NUAK2: variants seen among roughly 807,000 people sequenced by gnomAD.
NUAK2 encodes NUAK family SNF1-like kinase 2.
NUAK2 carries 20 observed loss-of-function variants against 29.8 expected under a neutral mutation model. The observed-to-expected ratio is 0.67, with a 90% confidence interval of 0.47 to 0.98. The LOEUF (loss-of-function observed/expected upper bound fraction) is 0.98. Among genes scored for constraint, NUAK2 ranks in the 50% least tolerant of loss-of-function variants. The pLI is 0.00. For synonymous variants in NUAK2, 331 were observed against 342.6 expected (o/e 0.97, Z 0.37); for missense variants, 719 against 834.5 (o/e 0.86, Z 1.71).
At position 205,304,543 on chromosome 1, in the gene NUAK2, T is replaced by C. The variant is rs376970730; in HGVS notation, c.824-30A>G. 8.8e-6 allele frequency: 13 copies of C among 1,476,900 alleles called. No individual in the cohort carries two copies. In the African/African-American group the frequency reaches 1.7e-4, roughly 19 times the overall value. 91.5% of individuals were successfully genotyped at this position (1,476,900 alleles called of 1,614,324 possible). ...AAGACAAAAGGCAGGTGCTTCAGTT[T>C]GGCAGCTCCCAGAATAGGCACTCCC... On this transcript the variant is annotated intron_variant, in intron 6 of 6. Coordinates refer to ENST00000367157, the MANE Select transcript of NUAK2 (RefSeq NM_030952.3). The surrounding 1 kb of genome is among the most constrained non-coding windows in gnomAD (Gnocchi z 6.5).
chr1:205,309,670 A>C (rs1280690587), intron 2 of NUAK2, among the ~76,000 whole-genome samples: 3 of 152,170 alleles, frequency 2.0e-5, no homozygotes, highest in Non-Finnish European at 4.4e-5. Context: ...CATTTGAAAA[A>C]TAAGGCCAAT....
intron 1 of NUAK2, among the ~76,000 whole-genome samples, chr1:205,313,624 C>G (rs571342274): frequency 6.6e-6 from 1 of 151,556 alleles, no homozygotes; most frequent in South Asian, 2.1e-4. Context: ...GAGTCTGTCA[C>G]TGTCCCCCTG....
chr1:205,321,060 C>A (rs1159136586), intron 1 of NUAK2, among the ~76,000 whole-genome samples: 1 of 152,198 alleles, frequency 6.6e-6, no homozygotes, highest in East Asian at 1.9e-4. Context: ...ACAGTCTTTT[C>A]CCAGCAAAAC....
chr1:205,303,477 T>C lies in NUAK2; in HGVS notation c.1860A>G (p.Ala620=). 6.2e-7 allele frequency: 1 copy of C among 1,601,662 alleles called. No homozygotes were observed. Among genetic ancestry groups the C allele is most frequent in the Admixed American group, 1.7e-5 (1 of 58,572 alleles). ...CQEVTATYRQ[A]LRVCSKLT ...AGGTGAGCTTTGAGCAGACCCTCAGTGCCTGTCGGTAGGTCGCTGTCACCT... is the reference window on the plus strand; with the variant it reads ...AGGTGAGCTTTGAGCAGACCCTCAGCGCCTGTCGGTAGGTCGCTGTCACCT... Residue 620 remains alanine (A), a synonymous_variant, in exon 7 of 7, where the codon GCA becomes GCG. Transcript: ENST00000367157.
intron 5 of NUAK2, 31 bp from the exon 6 acceptor site, chr1:205,305,362 GC>G: frequency 6.2e-7 from 1 of 1,603,622 alleles, no homozygotes. Context: ...CAGCAGGGAT[GC>G]CCATACCAGA....
At chr1:205,315,659 G>A (rs1662316924) in intron 1 of NUAK2, among the ~76,000 whole-genome samples, 1 of 152,128 alleles carries the variant, frequency 6.6e-6, no homozygotes, top group South Asian at 2.1e-4. Context: ...AATCACTCGA[G>A]GCCAGAAGTT....
At position 205,308,808 on chromosome 1, in the gene NUAK2, C is replaced by A. The variant is rs1207364744; in HGVS notation, c.353-76G>T. Reference sequence around the variant, plus strand: ...TCCACTGGGGGTGACTCACTCCTCCCCGACCCCAGGCCCCAAACCAGACAG... The same window carrying A: ...TCCACTGGGGGTGACTCACTCCTCCACGACCCCAGGCCCCAAACCAGACAG... On this transcript the variant is annotated intron_variant, in intron 2 of 6. Transcript: ENST00000367157. The surrounding 1 kb of genome is among the most constrained non-coding windows in gnomAD (Gnocchi z 4.1). 1 of 1,545,944 alleles carries A rather than the reference C, an allele frequency of 6.5e-7. No individual in the cohort carries two copies. The highest frequency in any genetic ancestry group is 1.1e-5 in the South Asian group (1 of 88,144).
intron 1 of NUAK2, among the ~76,000 whole-genome samples, chr1:205,314,788 G>A (rs1249816867): frequency 1.3e-5 from 2 of 152,142 alleles, no homozygotes; most frequent in Non-Finnish European, 2.9e-5. Flanking sequence ...TGTACGCATA[G>A]GCACATCTTG....
chr1:205,303,807 C>T lies in NUAK2; in HGVS notation c.1530G>A (p.Gln510=), dbSNP rs1352072873. 1.9e-6 allele frequency: 3 copies of T among 1,591,536 alleles called. No individual in the cohort carries two copies. The highest frequency in any genetic ancestry group is 2.6e-6 in the Non-Finnish European group (3 of 1,168,364). Residue 510 remains glutamine, a synonymous_variant, in exon 7 of 7, where the codon CAG becomes CAA. Transcript: ENST00000367157. The part of the protein sequence containing the change: ...GILKLNGKFS[Q]TALELAAPTT... ...TGGGGGCCGCGAGCTCCAAGGCTGT[C>T]TGGGAGAACTTGCCATTGAGTTTGA...
chr1:205,319,374 C>T (rs1662374018), intron 1 of NUAK2, among the ~76,000 whole-genome samples: 1 of 152,320 alleles, frequency 6.6e-6, no homozygotes, highest in African/African-American at 2.4e-5. Flanking sequence ...AAACTGAAAG[C>T]TAGTTTATCT....
intron 1 of NUAK2, among the ~76,000 whole-genome samples, chr1:205,319,108 G>A (rs1157667698): frequency 2.6e-5 from 4 of 152,104 alleles, no homozygotes; most frequent in Non-Finnish European, 4.4e-5. Context: ...AGGCAGGGGT[G>A]GGGTGGGGTG....
intron 1 of NUAK2, among the ~76,000 whole-genome samples, chr1:205,316,990 A>C (rs573822141): frequency 1.3e-5 from 2 of 152,186 alleles, no homozygotes; most frequent in Non-Finnish European, 2.9e-5. Flanking sequence ...AGAAGCTTCC[A>C]TCTCAGCCAT....
At chr1:205,310,042 C>T (rs534867364) in intron 2 of NUAK2, among the ~76,000 whole-genome samples, 7 of 152,314 alleles carry the variant, frequency 4.6e-5, no homozygotes, top group Non-Finnish European at 8.8e-5. Flanking sequence ...TTGTGTCAAA[C>T]GGGTCCTATG....
At chr1:205,311,106 G>C (rs960610268) in intron 2 of NUAK2, among the ~76,000 whole-genome samples, 1 of 152,160 alleles carries the variant, frequency 6.6e-6, no homozygotes, top group African/African-American at 2.4e-5. Context: ...TTGTTGTCTG[G>C]GTCATGGGGA....
In NUAK2 at chr1:205,304,845, G is replaced by C. The variant is rs777718279; in HGVS notation, c.824-332C>G. ...GTAGAGACTGTGTTCAGGGTAAACT[G>C]GGTCTCTCACACCCTTCTTCCTGCC... On this transcript the variant is annotated intron_variant, in intron 6 of 6. Transcript: ENST00000367157. This position sits in a 1 kb window ranked among gnomAD's most constrained non-coding sequence, Gnocchi z 6.5. Among the ~76,000 whole-genome samples the C allele has an allele frequency of 1.3e-4, 20 of 152,266 alleles. No homozygotes were observed. The highest frequency in any genetic ancestry group is 2.6e-4 in the Non-Finnish European group (18 of 68,014).
At chr1:205,306,458 C>A in intron 4 of NUAK2, 151 bp from the exon 5 acceptor site, 1 of 971,870 alleles carries the variant, frequency 1.0e-6, no homozygotes. Context: ...TGAGCACTGT[C>A]AGCATAGCTC....
At chr1:205,309,099 G>A (rs1662221931) in intron 2 of NUAK2, among the ~76,000 whole-genome samples, 1 of 151,656 alleles carries the variant, frequency 6.6e-6, no homozygotes, top group Admixed American at 6.6e-5. Context: ...TTGTGGCCTT[G>A]GGCAAATCTC....
Position 205,304,451 on chromosome 1 carries a change from C to T in NUAK2, c.886G>A (p.Asp296Asn). 6.5e-7 allele frequency: 1 copy of T among 1,550,296 alleles called. No individual in the cohort carries two copies. Among genetic ancestry groups the T allele is most frequent in the Non-Finnish European group, 8.7e-7 (1 of 1,147,254 alleles). Residue 296 changes from aspartate to asparagine, a missense_variant, in exon 7 of 7, where the codon GAT (aspartate) becomes AAT (asparagine). Asp to Asn is a conservative substitution (Grantham distance 23, BLOSUM62 1). Transcript: ENST00000367157. The surrounding 1 kb of genome is among the most constrained non-coding windows in gnomAD (Gnocchi z 6.5). ...VNPTRRATLE[D>N]VASHWWVNWG... ...TTGACCCACCAGTGACTGGCCACAT[C>T]CTCCAGGGTGGCCCGGCGGGTGGGG...
intron 2 of NUAK2, among the ~76,000 whole-genome samples, chr1:205,309,071 A>G (rs1323211675): frequency 6.6e-6 from 1 of 151,428 alleles, no homozygotes; most frequent in Non-Finnish European, 1.5e-5. Flanking sequence ...TGGTTCAAGA[A>G]CCTGGTACTT....
Sources: gnomAD v4.1 joint callset for allele counts (sites outside exome capture counted in the v4.1 genomes callset) on GRCh38, gnomAD v4.1.1 for gene constraint, Gnocchi (gnomAD v3.1) non-coding constraint, MANE v1.5 for transcripts, NCBI Gene and HGNC (gene_info 2026-07-23, HGNC 2026-07-21) for gene names.